FGF14: variants seen among roughly 807,000 people sequenced by gnomAD.
FGF14 encodes fibroblast growth factor 14.
FGF14 carries 5 observed loss-of-function variants against 25.5 expected under a neutral mutation model. That is an observed-to-expected ratio of 0.20 (90% confidence interval 0.10 to 0.41). FGF14 has a LOEUF of 0.41. Among genes scored for constraint, FGF14 ranks in the 10% least tolerant of loss-of-function variants. FGF14 has a pLI of 1.00. For missense variants in FGF14, 222 were observed against 320.1 expected, an observed-to-expected ratio of 0.69 and a Z score of 2.34; for synonymous variants, 138 against 118.3, an observed-to-expected ratio of 1.17 and a Z score of -1.08.
intron 1 of FGF14, among the ~76,000 whole-genome samples, chr13:102,382,104 T>C (rs1313779277): frequency 6.6e-6 from 1 of 152,154 alleles, no homozygotes; most frequent in Non-Finnish European, 1.5e-5. Context: ...TGATACCAAC[T>C]ATGTAAGTGA....
chr13:102,374,272 C>CA (rs1428292116), intron 1 of FGF14, among the ~76,000 whole-genome samples: 1 of 151,978 alleles, frequency 6.6e-6, no homozygotes, highest in East Asian at 1.9e-4. Flanking sequence ...TTAAAATAAA[C>CA]AATTTAATCA....
At position 102,192,448 on chromosome 13, in the gene FGF14, A is replaced by T. The variant is rs2049164073; in HGVS notation, c.208+209023T>A. On this transcript the variant is annotated intron_variant, in intron 1 of 4. Coordinates refer to the FGF14 transcript ENST00000376131. Reference sequence around the variant, plus strand: ...ACACCCTTCCTGTTGTCTTCACCACAGGCTTTTTTATTTATTTGCAATAGA... The same window carrying T: ...ACACCCTTCCTGTTGTCTTCACCACTGGCTTTTTTATTTATTTGCAATAGA... Among the ~76,000 whole-genome samples, 2 of 152,272 alleles carry T rather than the reference A, an allele frequency of 1.3e-5. 1 individual carries two copies. The highest frequency in any genetic ancestry group is 4.8e-5 in the African/African-American group (2 of 41,578).
chr13:101,805,397 G>C (rs1235830236), intron 3 of FGF14, among the ~76,000 whole-genome samples: 1 of 152,114 alleles, frequency 6.6e-6, no homozygotes, highest in Non-Finnish European at 1.5e-5. Flanking sequence ...AAAAGCTATA[G>C]ACAGCTGTAA....
intron 3 of FGF14, among the ~76,000 whole-genome samples, chr13:101,835,994 G>A (rs1406389995): frequency 6.6e-6 from 1 of 151,934 alleles, no homozygotes; most frequent in Non-Finnish European, 1.5e-5. Context: ...AAAAATGGGG[G>A]GTTTGCATAG....
chr13:102,185,599 G>C (rs2048845401), intron 1 of FGF14, among the ~76,000 whole-genome samples: 1 of 152,104 alleles, frequency 6.6e-6, no homozygotes, highest in South Asian at 2.1e-4. Flanking sequence ...ATCTCTTAAA[G>C]ATCTCCATAT....
intron 1 of FGF14, among the ~76,000 whole-genome samples, chr13:101,994,399 G>C (rs2039071153): frequency 1.3e-5 from 2 of 151,966 alleles, no homozygotes; most frequent in South Asian, 4.1e-4. Context: ...AACCTTTAAG[G>C]TGTCTTTTGA....
At chr13:102,382,302 T>C (rs1290004186) in intron 1 of FGF14, among the ~76,000 whole-genome samples, 2 of 152,094 alleles carry the variant, frequency 1.3e-5, no homozygotes, top group Non-Finnish European at 2.9e-5. Flanking sequence ...AAGACAACCC[T>C]ATTAAAAATG....
At chr13:101,803,096 AT>A (rs1237863254) in intron 3 of FGF14, among the ~76,000 whole-genome samples, 2 of 130,834 alleles carry the variant, frequency 1.5e-5, no homozygotes, top group African/African-American at 5.6e-5. Context: ...AATTGTTTGG[AT>A]TTTTTTTAGT....
chr13:102,069,238 C>G (rs1382645405), intron 1 of FGF14, among the ~76,000 whole-genome samples: 1 of 152,114 alleles, frequency 6.6e-6, no homozygotes, highest in Non-Finnish European at 1.5e-5. Flanking sequence ...CTTGGAGAAC[C>G]TGTGTGTCAA....
chr13:101,946,766 G>C (rs1286317777), intron 1 of FGF14, among the ~76,000 whole-genome samples: 1 of 152,186 alleles, frequency 6.6e-6, no homozygotes, highest in African/African-American at 2.4e-5. Context: ...CCAGGACTAG[G>C]TCACAAGGCT....
chr13:102,251,353 C>G (rs920673987), intron 1 of FGF14, among the ~76,000 whole-genome samples: 4 of 152,146 alleles, frequency 2.6e-5, no homozygotes, highest in African/African-American at 9.7e-5. Flanking sequence ...TGAGTGAGGG[C>G]TGGAGCTTTT....
intron 1 of FGF14, among the ~76,000 whole-genome samples, chr13:102,179,198 T>C (rs997907803): frequency 6.6e-6 from 1 of 151,914 alleles, no homozygotes; most frequent in Non-Finnish European, 1.5e-5. Context: ...AATAGGTGAG[T>C]ACCATGAAAA....
chr13:101,774,855 C>T (rs2038997543), intron 3 of FGF14, among the ~76,000 whole-genome samples: 1 of 151,628 alleles, frequency 6.6e-6, no homozygotes, highest in African/African-American at 2.4e-5. Flanking sequence ...GAGTTCAAAA[C>T]CAGACTGGCC....
At chr13:102,275,134 G>T (rs1349522403) in intron 1 of FGF14, among the ~76,000 whole-genome samples, 2 of 151,864 alleles carry the variant, frequency 1.3e-5, no homozygotes, top group African/African-American at 4.8e-5. Context: ...CATAGCAAAT[G>T]ACAGAGATTA....
chr13:102,370,123 C>T (rs1359578409), intron 1 of FGF14, among the ~76,000 whole-genome samples: 1 of 152,084 alleles, frequency 6.6e-6, no homozygotes, highest in Non-Finnish European at 1.5e-5. Flanking sequence ...TCCTGAGTAG[C>T]TGGAATGACA....
intron 1 of FGF14, among the ~76,000 whole-genome samples, chr13:102,282,318 G>A (rs144309727): frequency 2.3e-3 from 356 of 152,116 alleles, no homozygotes; most frequent in Middle Eastern, 6.8e-3. Context: ...CGCCCACCTT[G>A]GCCTCCCAAA....
At chr13:102,393,516 T>A (rs1435935941) in intron 1 of FGF14, among the ~76,000 whole-genome samples, 1 of 152,178 alleles carries the variant, frequency 6.6e-6, no homozygotes, top group Non-Finnish European at 1.5e-5. Context: ...AAAAAAGATT[T>A]AAGAAAGATT....
intron 1 of FGF14, among the ~76,000 whole-genome samples, chr13:102,107,681 G>A (rs1311040172): frequency 6.6e-6 from 1 of 152,208 alleles, no homozygotes; most frequent in Non-Finnish European, 1.5e-5. Context: ...GAGCAGCAAT[G>A]ATGTCAAAAT....
chr13:101,766,603 G>T (rs1035326717), intron 3 of FGF14, among the ~76,000 whole-genome samples: 2 of 152,156 alleles, frequency 1.3e-5, no homozygotes, highest in Non-Finnish European at 2.9e-5. Context: ...GTGCAGTACT[G>T]GGCTGAAGAG....
Sources: allele counts gnomAD v4.1 joint callset (sites outside exome capture counted in the v4.1 genomes callset), GRCh38; gene constraint gnomAD v4.1.1; transcripts MANE v1.5; gene names NCBI Gene and HGNC (gene_info 2026-07-23, HGNC 2026-07-21).